Variants in SAMMSON observed in about 807,000 individuals in gnomAD.
The protein encoded by SAMMSON is long intergenic non-protein coding RNA 1212.
chr3:70,288,107 A>G, intron 6 of SAMMSON, among the ~76,000 whole-genome samples: 1 of 145,986 alleles, frequency 6.8e-6, no homozygotes, highest in Non-Finnish European at 1.5e-5. Context: ...CTAGCTTTTG[A>G]ATGTGTTTGC....
intron 7 of SAMMSON, among the ~76,000 whole-genome samples, chr3:70,347,058 G>A (rs1293192531): frequency 6.6e-6 from 1 of 152,130 alleles, no homozygotes; most frequent in Non-Finnish European, 1.5e-5. Flanking sequence ...CACATGAATT[G>A]GGTCATTAGG....
intron 4 of SAMMSON, among the ~76,000 whole-genome samples, chr3:70,099,327 C>A (rs2067334359): frequency 6.6e-6 from 1 of 152,110 alleles, no homozygotes; most frequent in Admixed American, 6.6e-5. Flanking sequence ...ATTTACTCTC[C>A]CATTAACAGT....
chr3:70,263,607 T>C (rs1701888137), intron 6 of SAMMSON, among the ~76,000 whole-genome samples: 1 of 152,046 alleles, frequency 6.6e-6, no homozygotes, highest in Non-Finnish European at 1.5e-5. Context: ...CCTCATAGGG[T>C]TTCACTTCAC....
At chr3:70,431,075 T>C (rs567481427) in intron 2 of SAMMSON, among the ~76,000 whole-genome samples, 2 of 152,218 alleles carry the variant, frequency 1.3e-5, no homozygotes, top group East Asian at 3.9e-4. Flanking sequence ...TGAGTTATTA[T>C]TTGATGGAAG....
chr3:70,097,810 C>T (rs1017793651), intron 4 of SAMMSON, among the ~76,000 whole-genome samples: 4 of 152,050 alleles, frequency 2.6e-5, no homozygotes, highest in African/African-American at 7.2e-5. Context: ...AACCCAGAAC[C>T]GGGAGATAAG....
At chr3:70,193,800 A>G (rs906255137) in intron 4 of SAMMSON, among the ~76,000 whole-genome samples, 1 of 152,190 alleles carries the variant, frequency 6.6e-6, no homozygotes. Context: ...GTTGAGAGAA[A>G]GAAACTTAGA....
At chr3:70,367,440 T>G (rs891931571) in intron 9 of SAMMSON, among the ~76,000 whole-genome samples, 1 of 151,582 alleles carries the variant, frequency 6.6e-6, no homozygotes, top group Non-Finnish European at 1.5e-5. Context: ...AGAGATCAAC[T>G]TTTTTAGCTT....
intron 4 of SAMMSON, among the ~76,000 whole-genome samples, chr3:70,109,139 C>G (rs918823647): frequency 6.6e-6 from 1 of 152,094 alleles, no homozygotes; most frequent in Admixed American, 6.6e-5. Context: ...CTGGAACCAC[C>G]CTTCTATCAA....
chr3:70,370,659 G>T (rs1214688575), intron 9 of SAMMSON, among the ~76,000 whole-genome samples: 1 of 151,812 alleles, frequency 6.6e-6, no homozygotes, highest in Non-Finnish European at 1.5e-5. Context: ...AGAGTTATTT[G>T]TTTTGTTTTG....
At chr3:70,152,455 C>T (rs1209904800) in intron 4 of SAMMSON, among the ~76,000 whole-genome samples, 2 of 151,962 alleles carry the variant, frequency 1.3e-5, no homozygotes, top group African/African-American at 4.8e-5. Flanking sequence ...CAGTGGGTAC[C>T]TTCTTCTATA....
intron 6 of SAMMSON, among the ~76,000 whole-genome samples, chr3:70,255,547 A>AGCCTCAGTCCTCCTGCC (rs1701808210): frequency 1.3e-5 from 2 of 152,054 alleles, no homozygotes; most frequent in Non-Finnish European, 2.9e-5. Flanking sequence ...TCAGTCCTGC[A>AGCCTCAGTCCTCCTGCC]GCCTCAGTCC....
At chr3:70,081,409 G>A (rs777396004) in intron 4 of SAMMSON, among the ~76,000 whole-genome samples, 2 of 152,154 alleles carry the variant, frequency 1.3e-5, no homozygotes, top group East Asian at 1.9e-4. Context: ...CACCGCGCCC[G>A]GCCTCTTCAT....
intron 7 of SAMMSON, among the ~76,000 whole-genome samples, chr3:70,299,339 CAA>C (rs3050184): frequency 0.19 from 29,205 of 151,662 alleles, 2,909 homozygotes; most frequent in South Asian, 0.28. Context: ...TATACACACA[CAA>C]ATATAAAGCA....
rs572931655 is a variant in SAMMSON, at chr3:70,366,322, C to T, written n.913+7998C>T. 4.0e-5 allele frequency among the ~76,000 whole-genome samples: 6 copies of T among 151,736 alleles called. No individual in the cohort carries two copies. The South Asian group carries it at 1.2e-3, about 32-fold the overall frequency. On this transcript the variant is annotated intron_variant and non_coding_transcript_variant, in intron 9 of 9. Transcript: ENST00000642114. The stretch of plus-strand genomic sequence containing the variant: ...TACCTTTTCAATCCTCCTTGTCTCT[C>T]TTCAAAGACCTGGAAAACTCTGATC...
intron 4 of SAMMSON, among the ~76,000 whole-genome samples, chr3:70,147,558 G>A (rs1055891079): frequency 1.3e-5 from 2 of 151,940 alleles, no homozygotes; most frequent in Non-Finnish European, 2.9e-5. Context: ...TTTGGAGAAA[G>A]CATAGTCTTT....
chr3:70,024,081 C>A (rs917002769), intron 3 of SAMMSON, among the ~76,000 whole-genome samples: 1 of 152,116 alleles, frequency 6.6e-6, no homozygotes, highest in Non-Finnish European at 1.5e-5. Context: ...AGCAGGTCTA[C>A]GCAATTCTGC....
chr3:70,262,402 G>A (rs1559547998), intron 6 of SAMMSON, among the ~76,000 whole-genome samples: 1 of 152,248 alleles, frequency 6.6e-6, no homozygotes, highest in South Asian at 2.1e-4. Context: ...TTCAATCAGT[G>A]TTCTTTAAAA....
At chr3:70,015,907 G>A (rs539195434) in intron 3 of SAMMSON, among the ~76,000 whole-genome samples, 1 of 152,210 alleles carries the variant, frequency 6.6e-6, no homozygotes, top group African/African-American at 2.4e-5. Flanking sequence ...CGTTTTTTAT[G>A]GCTGCGTAGT....
chr3:70,360,386 A>C (rs1702862877), intron 9 of SAMMSON, among the ~76,000 whole-genome samples: 1 of 152,178 alleles, frequency 6.6e-6, no homozygotes, highest in African/African-American at 2.4e-5. Context: ...ATGGACATTA[A>C]TTCTTTTGCA....
Sources: allele counts gnomAD v4.1 joint callset (sites outside exome capture counted in the v4.1 genomes callset), GRCh38; gene constraint gnomAD v4.1.1; transcripts MANE v1.5; gene names NCBI Gene and HGNC (gene_info 2026-07-23, HGNC 2026-07-21).